The following RAB6B variants were observed in gnomAD, a reference collection of about 807,000 sequenced individuals.
RAB6B encodes the protein ras-related protein Rab-6B.
RAB6B carries 7 observed loss-of-function variants against 31.2 expected under a neutral mutation model. The ratio of observed to expected loss-of-function variants is 0.22; its 90% CI spans 0.13 to 0.42. RAB6B has a LOEUF of 0.42. RAB6B is among the 10% of genes least tolerant of loss of function. The pLI is 1.00. For synonymous variants in RAB6B, 105 were observed against 104.9 expected (o/e 1.00, Z -0.01); for missense variants, 149 against 280.6 (o/e 0.53, Z 3.35).
rs1056174823 is a variant in RAB6B at position 133,849,112 on chromosome 3, C to G, written c.130-7449G>C. ...TAATAATGTCCCCTTTTCTGGAATG[C>G]TCTTCCACATGGTTTATACTTATTC... On this transcript the variant is annotated intron_variant, in intron 2 of 7. Transcript: ENST00000285208. Among the ~76,000 whole-genome samples the G allele has an allele frequency of 2.6e-5, 4 of 152,154 alleles. No homozygotes were observed. In the East Asian group the frequency reaches 5.8e-4, roughly 22 times the overall value.
intron 5 of RAB6B, among the ~76,000 whole-genome samples, chr3:133,839,036 C>G (rs1935781987): frequency 6.6e-6 from 1 of 152,250 alleles, no homozygotes; most frequent in Non-Finnish European, 1.5e-5. Context: ...CCAGGCTAAG[C>G]AGGCTACGGC....
intron 5 of RAB6B, among the ~76,000 whole-genome samples, chr3:133,838,518 G>A (rs1035185700): frequency 2.0e-5 from 3 of 152,200 alleles, no homozygotes; most frequent in African/African-American, 7.2e-5. Flanking sequence ...GCAGGCCCTG[G>A]GGTAGGGCTG....
intron 1 of RAB6B, among the ~76,000 whole-genome samples, chr3:133,867,182 G>C (rs1251359891): frequency 2.0e-5 from 3 of 152,230 alleles, no homozygotes; most frequent in Non-Finnish European, 4.4e-5. Flanking sequence ...TCCCCTGAAA[G>C]TTTTTTACTG....
intron 1 of RAB6B, among the ~76,000 whole-genome samples, chr3:133,875,012 T>C (rs1192404934): frequency 6.6e-6 from 1 of 152,214 alleles, no homozygotes; most frequent in African/African-American, 2.4e-5. Flanking sequence ...CTGAAGGACC[T>C]GCCTGAGGCT....
At chr3:133,838,388 G>A (rs1935773365) in intron 5 of RAB6B, 129 bp from the exon 6 acceptor site, 3 of 810,114 alleles carry the variant, frequency 3.7e-6, no homozygotes. Context: ...GACAGGCTCT[G>A]ATCCCAAGGG....
intron 6 of RAB6B, among the ~76,000 whole-genome samples, chr3:133,836,898 T>C (rs1935744600): frequency 6.6e-6 from 1 of 152,178 alleles, no homozygotes; most frequent in Non-Finnish European, 1.5e-5. Context: ...TGTCTCTTCT[T>C]GTCGTTCTGC....
chr3:133,847,026 G>A lies in RAB6B; in HGVS notation c.130-5363C>T, dbSNP rs569447986. ...GCTGGAATACAAGTGCACCAGAAATGGCAAATCTATGGGCAAATATAAAAA... is the reference window on the plus strand; with the variant it reads ...GCTGGAATACAAGTGCACCAGAAATAGCAAATCTATGGGCAAATATAAAAA... On this transcript the variant is annotated intron_variant, in intron 2 of 7. Transcript: ENST00000285208. Among the ~76,000 whole-genome samples the A allele has an allele frequency of 8.1e-4, 124 of 152,264 alleles. 1 individual carries two copies. Among genetic ancestry groups the A allele is most frequent in the African/African-American group, 2.9e-3 (119 of 41,538 alleles).
chr3:133,864,048 G>C (rs923510365), intron 2 of RAB6B, among the ~76,000 whole-genome samples: 2 of 151,884 alleles, frequency 1.3e-5, no homozygotes, highest in Non-Finnish European at 2.9e-5. Context: ...ACCGCATCCA[G>C]CCTCCTGCCC....
chr3:133,841,640 C>T lies in RAB6B; in HGVS notation c.153G>A (p.Leu51=), dbSNP rs771391190. Reference sequence around the variant, plus strand: ...GGTCCTCCAAGTACATGGTTTTTGACAAGAAGTCAATCCCAATGGTTGCCT... The same window carrying T: ...GGTCCTCCAAGTACATGGTTTTTGATAAGAAGTCAATCCCAATGGTTGCCT... ...TYQATIGIDF[L]SKTMYLEDRT... The change falls in exon 3 of 8, where the codon TTG becomes TTA. Residue 51 remains leucine, a synonymous_variant. Transcript: ENST00000285208. The T allele has an allele frequency of 6.2e-7, 1 of 1,613,888 alleles. No individual in the cohort carries two copies. The highest frequency in any genetic ancestry group is 2.2e-5 in the East Asian group (1 of 44,870).
chr3:133,832,712 C>T (rs1033775301), intron 7 of RAB6B, among the ~76,000 whole-genome samples: 2 of 152,148 alleles, frequency 1.3e-5, no homozygotes, highest in South Asian at 2.1e-4. Flanking sequence ...CAAGCTGGCT[C>T]CTGGGCAGAA....
intron 2 of RAB6B, among the ~76,000 whole-genome samples, chr3:133,858,645 G>A (rs978322490): frequency 1.3e-5 from 2 of 152,148 alleles, no homozygotes; most frequent in African/African-American, 4.8e-5. Flanking sequence ...TTTTACTTCT[G>A]TAGAGACCCT....
At chr3:133,841,148 T>C in intron 4 of RAB6B, 137 bp downstream of exon 4, 1 of 767,630 alleles carries the variant, frequency 1.3e-6, no homozygotes, top group African/African-American at 1.7e-5. Flanking sequence ...CCTTTCTGCA[T>C]TCAGGGAGCA....
intron 1 of RAB6B, among the ~76,000 whole-genome samples, chr3:133,884,426 A>T (rs935046053): frequency 3.9e-5 from 6 of 152,222 alleles, no homozygotes; most frequent in African/African-American, 1.2e-4. Flanking sequence ...CTTTTTGTGC[A>T]GCCAGCTTAA....
intron 2 of RAB6B, among the ~76,000 whole-genome samples, chr3:133,852,429 AC>A (rs1936000297): frequency 6.7e-6 from 1 of 150,266 alleles, no homozygotes; most frequent in South Asian, 2.1e-4. Flanking sequence ...CATTACATAT[AC>A]CTCTTTGTAA....
intron 2 of RAB6B, among the ~76,000 whole-genome samples, chr3:133,855,335 T>C (rs908476487): frequency 3.9e-5 from 6 of 152,242 alleles, no homozygotes; most frequent in Non-Finnish European, 7.3e-5. Context: ...GTACGGGTAC[T>C]TGCATTCTTC....
chr3:133,876,066 C>T (rs990042431), intron 1 of RAB6B, among the ~76,000 whole-genome samples: 2 of 152,198 alleles, frequency 1.3e-5, no homozygotes, highest in Non-Finnish European at 1.5e-5. Flanking sequence ...CTCCCAATCC[C>T]TCTGAATACC....
intron 1 of RAB6B, among the ~76,000 whole-genome samples, chr3:133,893,143 C>T (rs774309274): frequency 6.6e-6 from 1 of 152,192 alleles, no homozygotes. Flanking sequence ...CTCAGCATTC[C>T]TACCAGTCAC....
At chr3:133,830,165 G>A (rs1046830202) in intron 7 of RAB6B, among the ~76,000 whole-genome samples, 5 of 152,222 alleles carry the variant, frequency 3.3e-5, no homozygotes, top group Non-Finnish European at 5.9e-5. Context: ...GCAGTTCTAT[G>A]GCCCATGCCG....
Position 133,838,228 on chromosome 3 carries a change from C to T in RAB6B, c.433G>A (p.Ala145Thr), listed in dbSNP as rs1935770537. The T allele has an allele frequency of 1.9e-6, 3 of 1,614,130 alleles. No individual in the cohort carries two copies. The highest frequency in any genetic ancestry group is 2.5e-6 in the Non-Finnish European group (3 of 1,180,008). ...ATGAACATGACGCTCAGTTCTTTGG[C>T]GCGCTGCTCCCCCTCCTCGATGGTT... ...QITIEEGEQRAKELSVMFIET... is the reference protein window; with the variant it reads ...QITIEEGEQRTKELSVMFIET... Residue 145 changes from alanine to threonine, a missense_variant, in exon 6 of 8, where the codon GCC (alanine) becomes ACC (threonine). Physicochemically the swap from Ala to Thr is moderately conservative, Grantham distance 58. Transcript: ENST00000285208.
Sources: allele counts gnomAD v4.1 joint callset (sites outside exome capture counted in the v4.1 genomes callset), GRCh38; gene constraint gnomAD v4.1.1; transcripts MANE v1.5; gene names NCBI Gene and HGNC (gene_info 2026-07-23, HGNC 2026-07-21).